NXPE2: variants seen among roughly 807,000 people sequenced by gnomAD.
The protein encoded by NXPE2 is NXPE family member 2.
In NXPE2, 34 loss-of-function variants were observed where a neutral mutation model predicts 34.4. That is an observed-to-expected ratio of 0.99 (90% CI 0.75 to 1.31). The LOEUF (loss-of-function observed/expected upper bound fraction) is 1.31. Among genes scored for constraint, NXPE2 ranks in the 40% most tolerant of loss-of-function variants. The probability of loss-of-function intolerance (pLI) is 0.00; values close to 1 mark genes in which losing one functional copy is unlikely to be tolerated. For missense variants in NXPE2, 649 were observed against 672.5 expected, an observed-to-expected ratio of 0.97 and a Z score of 0.39; for synonymous variants, 235 against 231.3, an observed-to-expected ratio of 1.02 and a Z score of -0.15.
the NXPE2 span, chr11:114,530,442 G>A: frequency 2.0e-5 from 33 of 1,614,068 alleles, no homozygotes; most frequent in Middle Eastern, 3.3e-4. Flanking sequence ...GAGAGCCGAC[G>A]CCCCTTCACT....
the NXPE2 span, among the ~76,000 whole-genome samples, chr11:114,809,326 GT>G: frequency 1.3e-5 from 2 of 151,880 alleles, no homozygotes; most frequent in African/African-American, 4.8e-5. Context: ...TCAACATAGT[GT>G]TGGAAATTCT....
At chr11:114,778,124 T>A in the NXPE2 span, among the ~76,000 whole-genome samples, 1 of 152,194 alleles carries the variant, frequency 6.6e-6, no homozygotes, top group African/African-American at 2.4e-5. Context: ...TGGTGTCTCA[T>A]AATCCTTCCC....
At chr11:114,633,733 C>A in the NXPE2 span, among the ~76,000 whole-genome samples, 6 of 151,522 alleles carry the variant, frequency 4.0e-5, 1 homozygote, top group Middle Eastern at 0.021. Flanking sequence ...TTTGTCCTTG[C>A]GATTGTTTAC....
chr11:114,653,936 C>A, the NXPE2 span, among the ~76,000 whole-genome samples: 2 of 152,074 alleles, frequency 1.3e-5, no homozygotes, highest in Non-Finnish European at 1.5e-5. Context: ...CCCATGATGT[C>A]TTGAAACATG....
At chr11:114,777,038 A>C in the NXPE2 span, among the ~76,000 whole-genome samples, 1 of 152,232 alleles carries the variant, frequency 6.6e-6, no homozygotes, top group African/African-American at 2.4e-5. Flanking sequence ...GGCTGTGTGC[A>C]CCTGTTGGGC....
chr11:114,626,800 T>G, the NXPE2 span, among the ~76,000 whole-genome samples: 4 of 152,130 alleles, frequency 2.6e-5, no homozygotes, highest in African/African-American at 9.6e-5. Context: ...ATAACTAGAA[T>G]AACCAATACA....
At chr11:114,762,551 T>C in the NXPE2 span, among the ~76,000 whole-genome samples, 1 of 152,324 alleles carries the variant, frequency 6.6e-6, no homozygotes, top group East Asian at 1.9e-4. Context: ...CTAAATTCTC[T>C]TGGTAATGAA....
At chr11:114,700,183 A>T (rs973209491) in intron 3 of NXPE2, among the ~76,000 whole-genome samples, 25 of 152,196 alleles carry the variant, frequency 1.6e-4, no homozygotes, top group African/African-American at 5.6e-4. Context: ...GGATAGAAGG[A>T]CAAAAAGTAA....
At chr11:114,762,835 A>G in the NXPE2 span, among the ~76,000 whole-genome samples, 1 of 152,136 alleles carries the variant, frequency 6.6e-6, no homozygotes, top group Non-Finnish European at 1.5e-5. Context: ...CAGAAACCCC[A>G]CTGTCATTTG....
At chr11:114,497,752 G>T in the NXPE2 span, among the ~76,000 whole-genome samples, 34 of 152,134 alleles carry the variant, frequency 2.2e-4, no homozygotes, top group Non-Finnish European at 4.4e-5. Context: ...AAAATACAGA[G>T]ATATTCCACA....
the NXPE2 span, among the ~76,000 whole-genome samples, chr11:114,763,125 G>C: frequency 6.6e-6 from 1 of 152,088 alleles, no homozygotes; most frequent in African/African-American, 2.4e-5. Flanking sequence ...AAACTTGTCT[G>C]TGTCATATGG....
At chr11:114,618,934 C>T in the NXPE2 span, among the ~76,000 whole-genome samples, 1 of 151,936 alleles carries the variant, frequency 6.6e-6, no homozygotes, top group African/African-American at 2.4e-5. Context: ...TCACTGCTAC[C>T]CACTGGATAA....
chr11:114,725,067 C>A, the NXPE2 span, among the ~76,000 whole-genome samples: 2 of 151,832 alleles, frequency 1.3e-5, no homozygotes, highest in Non-Finnish European at 2.9e-5. Context: ...CCCACACTAA[C>A]AACAGCTGAA....
chr11:114,783,586 A>G, the NXPE2 span, among the ~76,000 whole-genome samples: 2 of 152,250 alleles, frequency 1.3e-5, no homozygotes, highest in Non-Finnish European at 2.9e-5. Context: ...GTGCTCAAAG[A>G]CAATTAGCAA....
At chr11:114,635,105 G>T in the NXPE2 span, among the ~76,000 whole-genome samples, 1 of 151,570 alleles carries the variant, frequency 6.6e-6, no homozygotes, top group Non-Finnish European at 1.5e-5. Flanking sequence ...AGCATGGAAT[G>T]TTCTTCCATT....
the NXPE2 span, among the ~76,000 whole-genome samples, chr11:114,736,274 A>G: frequency 6.6e-6 from 1 of 152,194 alleles, no homozygotes; most frequent in Non-Finnish European, 1.5e-5. Context: ...TGTCCTAACA[A>G]GCCTGGGAGC....
chr11:114,487,642 A>G, the NXPE2 span, among the ~76,000 whole-genome samples: 1 of 152,126 alleles, frequency 6.6e-6, no homozygotes, highest in Non-Finnish European at 1.5e-5. Flanking sequence ...GTATGATACT[A>G]GCTATGGGTC....
At chr11:114,618,181 G>A in the NXPE2 span, among the ~76,000 whole-genome samples, 1 of 151,928 alleles carries the variant, frequency 6.6e-6, no homozygotes, top group African/African-American at 2.4e-5. Context: ...TTGGTACCCG[G>A]TGGATACTAA....
At chr11:114,702,783 T>C (rs1024672746) in intron 3 of NXPE2, among the ~76,000 whole-genome samples, 1 of 152,158 alleles carries the variant, frequency 6.6e-6, no homozygotes, top group Non-Finnish European at 1.5e-5. Context: ...CATGCAGCCA[T>C]CACGCCCAGC....
Sources: allele counts gnomAD v4.1 joint callset (sites outside exome capture counted in the v4.1 genomes callset), GRCh38; gene constraint gnomAD v4.1.1; transcripts MANE v1.5; gene names NCBI Gene and HGNC (gene_info 2026-07-23, HGNC 2026-07-21).